Variants in PACRG observed in about 807,000 individuals in gnomAD.
PACRG encodes parkin coregulated gene protein.
In PACRG, 29 loss-of-function variants were observed where a neutral mutation model predicts 29.7. That is an observed-to-expected ratio of 0.98 (90% CI 0.73 to 1.33). The LOEUF is 1.33. Among genes scored for constraint, PACRG ranks in the 40% most tolerant of loss-of-function variants. PACRG has a pLI of 0.00. For missense variants in PACRG, 279 were observed against 316.2 expected (o/e 0.88, Z 0.89); for synonymous variants, 116 against 118.7 (o/e 0.98, Z 0.15).
intron 2 of PACRG, among the ~76,000 whole-genome samples, chr6:162,843,306 CT>C (rs1177399446): frequency 1.9e-5 from 2 of 103,268 alleles, no homozygotes; most frequent in Non-Finnish European, 4.1e-5. Context: ...TCTTTTTATT[CT>C]TTTTTCTCTA....
intron 2 of PACRG, among the ~76,000 whole-genome samples, chr6:163,061,817 A>G (rs1811120500): frequency 6.6e-6 from 1 of 152,200 alleles, no homozygotes; most frequent in South Asian, 2.1e-4. Flanking sequence ...CAAACATTCT[A>G]GAGGCTTCTT....
intron 4 of PACRG, among the ~76,000 whole-genome samples, chr6:163,259,266 T>A (rs1258863165): frequency 6.6e-6 from 1 of 152,224 alleles, no homozygotes; most frequent in Non-Finnish European, 1.5e-5. Context: ...CATGATGTTC[T>A]ATGCTAAGAC....
intron 4 of PACRG, among the ~76,000 whole-genome samples, chr6:163,208,840 C>T (rs919708490): frequency 3.9e-5 from 6 of 152,080 alleles, no homozygotes; most frequent in Admixed American, 1.3e-4. Context: ...AACAAAGTAC[C>T]GGTCTACAAA....
chr6:163,069,258 A>T (rs1005936860), intron 3 of PACRG, among the ~76,000 whole-genome samples: 1 of 150,890 alleles, frequency 6.6e-6, no homozygotes, highest in Non-Finnish European at 1.5e-5. Flanking sequence ...TCAAGCATCA[A>T]GACCATCCAG....
chr6:162,937,947 A>G (rs1327237710), intron 2 of PACRG, among the ~76,000 whole-genome samples: 2 of 151,926 alleles, frequency 1.3e-5, no homozygotes, highest in African/African-American at 4.8e-5. Context: ...GTATTTGGTC[A>G]CAAGAGTAAG....
intron 2 of PACRG, among the ~76,000 whole-genome samples, chr6:162,826,126 C>CA (rs1005034283): frequency 4.0e-5 from 6 of 151,718 alleles, no homozygotes; most frequent in Non-Finnish European, 7.4e-5. Flanking sequence ...TCCTCAAGTA[C>CA]AAAAAAAATC....
At chr6:163,025,952 A>G (rs890403295) in intron 2 of PACRG, among the ~76,000 whole-genome samples, 23 of 152,376 alleles carry the variant, frequency 1.5e-4, no homozygotes, top group Middle Eastern at 3.4e-3. Context: ...AAATAAAGCT[A>G]TTCTATAAAA....
chr6:163,033,246 A>G (rs1807836688), intron 2 of PACRG, among the ~76,000 whole-genome samples: 1 of 152,202 alleles, frequency 6.6e-6, no homozygotes, highest in Admixed American at 6.5e-5. Flanking sequence ...GTTAGTAAGC[A>G]ATTTTATTTA....
intron 4 of PACRG, among the ~76,000 whole-genome samples, chr6:163,111,487 A>G (rs188014463): frequency 6.6e-6 from 1 of 152,292 alleles, no homozygotes; most frequent in East Asian, 1.9e-4. Context: ...ATAATATTCA[A>G]CCTTCAAATT....
At chr6:162,989,943 G>A (rs1803288344) in intron 2 of PACRG, among the ~76,000 whole-genome samples, 1 of 151,722 alleles carries the variant, frequency 6.6e-6, no homozygotes, top group Non-Finnish European at 1.5e-5. Context: ...ATGTGTCCAT[G>A]TGATCTCATT....
Position 163,259,262 on chromosome 6 carries a change from G to A in PACRG, c.614-55565G>A, listed in dbSNP as rs184474148. 3.0e-3 allele frequency among the ~76,000 whole-genome samples: 462 copies of A among 152,296 alleles called. 2 individuals are homozygous for A. Among genetic ancestry groups the A allele is most frequent in the Non-Finnish European group, 4.6e-3 (316 of 68,014 alleles). Reference sequence around the variant, plus strand: ...CAGCAAAAGCATGAGAAGACATGATGTTCTATGCTAAGACTGGCTAATAAC... The same window carrying A: ...CAGCAAAAGCATGAGAAGACATGATATTCTATGCTAAGACTGGCTAATAAC... On this transcript the variant is annotated intron_variant, in intron 4 of 4. Transcript: ENST00000366888.
At chr6:163,100,229 G>A (rs1029003809) in intron 4 of PACRG, among the ~76,000 whole-genome samples, 49 of 152,150 alleles carry the variant, frequency 3.2e-4, no homozygotes, top group African/African-American at 1.0e-3. Context: ...TCAGCCTCTC[G>A]TGCTGGGATC....
intron 2 of PACRG, among the ~76,000 whole-genome samples, chr6:162,819,710 GT>G (rs373966070): frequency 2.0e-4 from 30 of 152,260 alleles, no homozygotes; most frequent in African/African-American, 6.7e-4. Flanking sequence ...GGAGCTGATT[GT>G]TTTTAAGTTT....
intron 2 of PACRG, among the ~76,000 whole-genome samples, chr6:163,052,537 T>A (rs1159154976): frequency 3.3e-5 from 5 of 152,068 alleles, no homozygotes; most frequent in African/African-American, 1.2e-4. Flanking sequence ...AGGAACCTGG[T>A]GGGAGGTGAT....
At chr6:162,846,107 T>C (rs1790354828) in intron 2 of PACRG, among the ~76,000 whole-genome samples, 1 of 152,108 alleles carries the variant, frequency 6.6e-6, no homozygotes, top group African/African-American at 2.4e-5. Context: ...GGAAACACTG[T>C]GGCCTGCACT....
chr6:162,847,100 C>G (rs533595656), intron 2 of PACRG, among the ~76,000 whole-genome samples: 1 of 151,626 alleles, frequency 6.6e-6, no homozygotes, highest in Admixed American at 6.6e-5. Flanking sequence ...CTGTGCTCCC[C>G]ACACTGTCCA....
intron 4 of PACRG, among the ~76,000 whole-genome samples, chr6:163,173,576 C>T (rs1310438511): frequency 1.3e-5 from 2 of 152,186 alleles, no homozygotes; most frequent in Non-Finnish European, 2.9e-5. Flanking sequence ...GTAAGGTGGG[C>T]TCGTCCTCAC....
chr6:162,959,078 TAA>T lies in PACRG; in HGVS notation c.292-103071_292-103070del, dbSNP rs1329841235. 7.8e-3 allele frequency among the ~76,000 whole-genome samples: 1,149 copies of T among 147,576 alleles called. 15 individuals are homozygous for T. Among genetic ancestry groups the T allele is most frequent in the African/African-American group, 0.026 (1,016 of 39,212 alleles). ...ACAGGTGCACGACACCATGCCTGGCTAACTTTTTTTTTTTTTTGTAGTGGAGA... is the reference window on the plus strand; with the variant it reads ...ACAGGTGCACGACACCATGCCTGGCTCTTTTTTTTTTTTTTGTAGTGGAGA... On this transcript the variant is annotated intron_variant, in intron 2 of 4. Transcript: ENST00000366888.
chr6:162,819,071 A>G (rs1787605833), intron 2 of PACRG, among the ~76,000 whole-genome samples: 1 of 152,212 alleles, frequency 6.6e-6, no homozygotes, highest in South Asian at 2.1e-4. Context: ...CAGACATGCC[A>G]GAGGCCTTTC....
Sources: allele counts gnomAD v4.1 joint callset (sites outside exome capture counted in the v4.1 genomes callset), GRCh38; gene constraint gnomAD v4.1.1; transcripts MANE v1.5; gene names NCBI Gene and HGNC (gene_info 2026-07-23, HGNC 2026-07-21).